Variants in PPFIA2 observed in about 807,000 individuals in gnomAD.
The protein encoded by PPFIA2 is liprin-alpha-2.
PPFIA2 carries 46 observed loss-of-function variants against 175.5 expected under a neutral mutation model. The ratio of observed to expected loss-of-function variants is 0.26; its 90% CI spans 0.21 to 0.34. PPFIA2 has a LOEUF of 0.34. Among genes scored for constraint, PPFIA2 ranks in the 10% least tolerant of loss-of-function variants. The pLI is 1.00. For synonymous variants in PPFIA2, 568 were observed against 511.4 expected, an observed-to-expected ratio of 1.11 and a Z score of -1.49; for missense variants, 1,179 against 1,506.1, an observed-to-expected ratio of 0.78 and a Z score of 3.60.
chr12:81,362,926 G>A (rs1329941312), intron 14 of PPFIA2, 142 bp from the exon 15 acceptor site: 39 of 461,484 alleles, frequency 8.5e-5, no homozygotes, highest in East Asian at 9.9e-5. Flanking sequence ...AATAAAGCAC[G>A]CCAAAATTTT....
intron 4 of PPFIA2, among the ~76,000 whole-genome samples, chr12:81,538,757 CAT>C (rs2065778024): frequency 6.6e-6 from 1 of 151,832 alleles, no homozygotes; most frequent in Non-Finnish European, 1.5e-5. Flanking sequence ...CTAGGGAAAA[CAT>C]AGTATGAGGT....
intron 22 of PPFIA2, among the ~76,000 whole-genome samples, chr12:81,319,898 C>A (rs913154808): frequency 6.6e-5 from 10 of 151,858 alleles, no homozygotes; most frequent in Non-Finnish European, 1.2e-4. Context: ...TTTATCTACC[C>A]AGAGACAGTT....
intron 8 of PPFIA2, among the ~76,000 whole-genome samples, chr12:81,389,890 A>G (rs1358550383): frequency 6.6e-6 from 1 of 152,090 alleles, no homozygotes; most frequent in Non-Finnish European, 1.5e-5. Flanking sequence ...TATCAACATT[A>G]GTTAATCTCA....
At chr12:81,545,012 AC>A (rs1407652973) in intron 4 of PPFIA2, among the ~76,000 whole-genome samples, 1 of 151,398 alleles carries the variant, frequency 6.6e-6, no homozygotes, top group African/African-American at 2.4e-5. Flanking sequence ...CTAAGATAGA[AC>A]TTTTTGGTAT....
At chr12:81,551,091 T>A (rs938201094) in intron 4 of PPFIA2, among the ~76,000 whole-genome samples, 3 of 149,542 alleles carry the variant, frequency 2.0e-5, no homozygotes, top group African/African-American at 7.4e-5. Flanking sequence ...GATAAACACA[T>A]TACAGTGAGT....
chr12:81,371,930 C>CACACACACAA (rs2035237620), intron 11 of PPFIA2, among the ~76,000 whole-genome samples: 1 of 139,162 alleles, frequency 7.2e-6, no homozygotes, highest in Admixed American at 8.6e-5. Flanking sequence ...CACACACAAA[C>CACACACACAA]ACACACACAC....
intron 4 of PPFIA2, among the ~76,000 whole-genome samples, chr12:81,587,195 T>C (rs1163722501): frequency 3.3e-5 from 5 of 151,996 alleles, no homozygotes; most frequent in South Asian, 2.1e-4. Flanking sequence ...AATCCTCACA[T>C]GTAGAGGGAA....
intron 4 of PPFIA2, among the ~76,000 whole-genome samples, chr12:81,615,069 AT>A (rs975351934): frequency 4.6e-5 from 7 of 152,184 alleles, no homozygotes; most frequent in Non-Finnish European, 1.0e-4. Flanking sequence ...ACATAAAACA[AT>A]TTTTAGGTGA....
chr12:81,583,395 G>A (rs1484668627), intron 4 of PPFIA2, among the ~76,000 whole-genome samples: 1 of 151,354 alleles, frequency 6.6e-6, no homozygotes, highest in Admixed American at 6.6e-5. Context: ...GTCACTACAA[G>A]GTTTATGTGC....
intron 22 of PPFIA2, among the ~76,000 whole-genome samples, chr12:81,313,050 A>G (rs973660583): frequency 1.3e-5 from 2 of 152,150 alleles, no homozygotes; most frequent in Non-Finnish European, 2.9e-5. Context: ...TCCATAAATT[A>G]TATTGGTTCA....
intron 4 of PPFIA2, among the ~76,000 whole-genome samples, chr12:81,462,572 A>G (rs935940939): frequency 1.4e-4 from 8 of 55,384 alleles, no homozygotes; most frequent in East Asian, 5.5e-4. Flanking sequence ...ATATATGTGT[A>G]TATATATATA....
chr12:81,397,963 C>T (rs564035765), intron 8 of PPFIA2, among the ~76,000 whole-genome samples: 8 of 152,040 alleles, frequency 5.3e-5, no homozygotes, highest in Admixed American at 3.3e-4. Context: ...CACTGTCAGA[C>T]AGGACCATCT....
At chr12:81,419,463 T>C (rs931084670) in intron 7 of PPFIA2, among the ~76,000 whole-genome samples, 1 of 152,108 alleles carries the variant, frequency 6.6e-6, no homozygotes, top group Admixed American at 6.6e-5. Flanking sequence ...AAACATAAAG[T>C]CTCATGATAT....
chr12:81,268,091 G>GGAAAA lies in PPFIA2; in HGVS notation c.3311-9_3311-5dup. The GGAAAA allele has an allele frequency of 6.4e-7, 1 of 1,563,054 alleles. No homozygotes were observed. Among genetic ancestry groups the GGAAAA allele is most frequent in the Non-Finnish European group, 8.7e-7 (1 of 1,148,182 alleles). Reference sequence around the variant, plus strand: ...TCATTGCTCCACACCAACACGTCTAGGAAAAGAGATGCATCATTTTAGGAT... The same window carrying GGAAAA: ...TCATTGCTCCACACCAACACGTCTAGGAAAAGAAAAGAGATGCATCATTTTAGGAT... On this transcript the variant is annotated splice_polypyrimidine_tract_variant and splice_region_variant and intron_variant, in intron 28 of 32. Coordinates refer to ENST00000549396, the MANE Select transcript of PPFIA2 (RefSeq NM_003625.5).
intron 4 of PPFIA2, among the ~76,000 whole-genome samples, chr12:81,512,102 T>C (rs906654706): frequency 6.6e-6 from 1 of 152,202 alleles, no homozygotes; most frequent in East Asian, 1.9e-4. Flanking sequence ...TATTGTGTGA[T>C]TTTCTTTTTC....
intron 7 of PPFIA2, among the ~76,000 whole-genome samples, chr12:81,427,410 G>T (rs1485146668): frequency 6.6e-6 from 1 of 151,942 alleles, no homozygotes; most frequent in Non-Finnish European, 1.5e-5. Flanking sequence ...AATGTGTGTG[G>T]GTTCGGGGTA....
chr12:81,701,736 T>C (rs903641884), intron 3 of PPFIA2, among the ~76,000 whole-genome samples: 16 of 152,184 alleles, frequency 1.1e-4, no homozygotes, highest in African/African-American at 3.1e-4. Context: ...TCTACTATTC[T>C]TTCTGTCAGT....
intron 9 of PPFIA2, 63 bp downstream of exon 9, chr12:81,383,960 G>A (rs2038353726): frequency 1.5e-6 from 2 of 1,317,236 alleles, no homozygotes; most frequent in African/African-American, 1.5e-5. Flanking sequence ...GGGAAATTAT[G>A]GAAACAGTAT....
intron 5 of PPFIA2, among the ~76,000 whole-genome samples, chr12:81,455,679 T>G (rs2053451350): frequency 6.6e-6 from 1 of 152,084 alleles, no homozygotes; most frequent in African/African-American, 2.4e-5. Context: ...ATCTCTTAGC[T>G]CTCTAAAATT....
Sources: allele counts gnomAD v4.1 joint callset (sites outside exome capture counted in the v4.1 genomes callset), GRCh38; gene constraint gnomAD v4.1.1; transcripts MANE v1.5; gene names NCBI Gene and HGNC (gene_info 2026-07-23, HGNC 2026-07-21).